RIMS1: variants seen among roughly 807,000 people sequenced by gnomAD.
The protein encoded by RIMS1 is regulating synaptic membrane exocytosis protein 1.
In RIMS1, 83 loss-of-function variants were observed where a neutral mutation model predicts 214.1. That is an observed-to-expected ratio of 0.39 (90% CI 0.32 to 0.47). The LOEUF (loss-of-function observed/expected upper bound fraction) is 0.47, where lower values mean the gene tolerates loss of function less well. Among genes scored for constraint, RIMS1 ranks in the 20% least tolerant of loss-of-function variants. RIMS1 has a pLI of 0.99. For missense variants in RIMS1, 2,050 were observed against 2,161.8 expected, an observed-to-expected ratio of 0.95 and a Z score of 1.03; for synonymous variants, 793 against 786.8, an observed-to-expected ratio of 1.01 and a Z score of -0.13.
chr6:72,122,586 G>T lies in RIMS1; in HGVS notation c.471+22600G>T, dbSNP rs1488900906. 2.0e-5 allele frequency among the ~76,000 whole-genome samples: 3 copies of T among 151,738 alleles called. No individual in the cohort carries two copies. The East Asian group carries it at 5.8e-4, about 29-fold the overall frequency. On this transcript the variant is annotated intron_variant, in intron 4 of 33. Transcript: ENST00000521978. ...CTCTTTGTGCCTCTGGTGGAATTTG[G>T]CTGTGAATTTGTCTGGTCCTGGACT...
Position 72,242,295 on chromosome 6 carries a change from C to G in RIMS1, c.1958-19C>G, listed in dbSNP as rs2067298673. 3.9e-6 allele frequency: 6 copies of G among 1,522,982 alleles called. No individual in the cohort carries two copies. The highest frequency in any genetic ancestry group is 2.5e-5 in the South Asian group (2 of 80,472). 94.3% of individuals were successfully genotyped at this position (1,522,982 alleles called of 1,614,324 possible). On this transcript the variant is annotated intron_variant, in intron 9 of 33. Coordinates refer to ENST00000521978, the MANE Select transcript of RIMS1 (RefSeq NM_014989.7). ...CAGAATATATAAGGTAAAAAAATAC[C>G]CTTTTTTTTAAATTCAAGGGGATGA...
intron 31 of RIMS1, among the ~76,000 whole-genome samples, chr6:72,393,540 C>T (rs1035530069): frequency 5.3e-5 from 8 of 152,112 alleles, no homozygotes; most frequent in Non-Finnish European, 8.8e-5. Context: ...CTGGCTAACA[C>T]GGTGAAACCC....
rs373515265 is a variant in RIMS1 at position 72,198,202 on chromosome 6, T to C, written c.1678+15053T>C. On this transcript the variant is annotated intron_variant, in intron 6 of 33. Coordinates refer to ENST00000521978, the MANE Select transcript of RIMS1 (RefSeq NM_014989.7). The stretch of plus-strand genomic sequence containing the variant: ...CAATAGCAAAGATACTGAATCAAAC[T>C]AAGTGGCCATCGGTGCATGAATGGG... Among the ~76,000 whole-genome samples, 25 of 152,230 alleles carry C rather than the reference T, an allele frequency of 1.6e-4. No homozygotes were observed. The East Asian group carries it at 4.4e-3, about 27-fold the overall frequency.
chr6:71,944,029 T>C (rs1417115416), intron 1 of RIMS1, among the ~76,000 whole-genome samples: 1 of 152,230 alleles, frequency 6.6e-6, no homozygotes, highest in Non-Finnish European at 1.5e-5. Flanking sequence ...CTTAATTTTC[T>C]TGAAACATAT....
intron 1 of RIMS1, among the ~76,000 whole-genome samples, chr6:71,963,629 A>C (rs1316361048): frequency 1.3e-5 from 2 of 152,176 alleles, no homozygotes; most frequent in Non-Finnish European, 2.9e-5. Flanking sequence ...TTTCCACTAA[A>C]TAGGTCATAT....
At chr6:72,054,158 A>T (rs1380297393) in intron 2 of RIMS1, among the ~76,000 whole-genome samples, 2 of 150,528 alleles carry the variant, frequency 1.3e-5, no homozygotes, top group African/African-American at 4.9e-5. Context: ...TCTCCTACTT[A>T]TGAGTGAGAA....
intron 2 of RIMS1, among the ~76,000 whole-genome samples, chr6:72,066,923 A>T (rs956332094): frequency 6.6e-6 from 1 of 152,132 alleles, no homozygotes; most frequent in Non-Finnish European, 1.5e-5. Context: ...CTTCTAGCTG[A>T]TACGTTACTA....
chr6:72,376,546 G>A (rs764655170), intron 29 of RIMS1, among the ~76,000 whole-genome samples: 2 of 152,122 alleles, frequency 1.3e-5, no homozygotes, highest in Non-Finnish European at 2.9e-5. Flanking sequence ...GGGAGCTCAA[G>A]ACCAGCCTGG....
At position 72,265,478 on chromosome 6, in the gene RIMS1, A is replaced by G; in HGVS notation, c.3283A>G (p.Arg1095Gly). 6.3e-7 allele frequency: 1 copy of G among 1,584,976 alleles called. No homozygotes were observed. Among genetic ancestry groups the G allele is most frequent in the Non-Finnish European group, 8.7e-7 (1 of 1,154,868 alleles). Residue 1095 changes from arginine to glycine, a missense_variant, in exon 21 of 34, where the codon AGA (arginine) becomes GGA (glycine). Around this residue, in one of 6 missense-constraint regions of RIMS1, gnomAD observed 889 missense variants for 885.5 expected, o/e 1.00. Coordinates refer to ENST00000521978, the MANE Select transcript of RIMS1 (RefSeq NM_014989.7). ...TGAATGCTTTAACTCAACAGTATTG[A>G]GATTTACTGATGAAATACTGGTTAG... ...HHECFNSTVLRFTDEILVSEL... is the reference protein window; with the variant it reads ...HHECFNSTVLGFTDEILVSEL...
chr6:72,260,694 T>A lies in RIMS1; in HGVS notation c.3054-11T>A. The A allele has an allele frequency of 6.2e-7, 1 of 1,612,154 alleles. No homozygotes were observed. The highest frequency in any genetic ancestry group is 8.5e-7 in the Non-Finnish European group (1 of 1,178,822). On this transcript the variant is annotated splice_polypyrimidine_tract_variant and intron_variant, in intron 18 of 33. Transcript: ENST00000521978. ...TATCTGTTTCACTCACCACCCATCC[T>A]GTCTGTGCAGTGAGCTTCTTATGCT... is the stretch of plus-strand genomic sequence containing the variant.
chr6:71,960,578 GA>G (rs996254169), intron 1 of RIMS1, among the ~76,000 whole-genome samples: 4 of 152,228 alleles, frequency 2.6e-5, no homozygotes, highest in Admixed American at 2.0e-4. Flanking sequence ...AAAACAGGCT[GA>G]ATCTGTGGAT....
intron 4 of RIMS1, among the ~76,000 whole-genome samples, chr6:72,139,498 A>G (rs1039425930): frequency 6.6e-6 from 1 of 152,172 alleles, no homozygotes; most frequent in Non-Finnish European, 1.5e-5. Flanking sequence ...TTCATATAGC[A>G]CTACCTAACA....
chr6:72,371,167 C>T (rs932676966), intron 29 of RIMS1, among the ~76,000 whole-genome samples: 13 of 151,846 alleles, frequency 8.6e-5, no homozygotes, highest in African/African-American at 2.4e-4. Flanking sequence ...TGTATGTGTG[C>T]TGTGTGTGCA....
At chr6:72,063,129 G>A (rs529441038) in intron 2 of RIMS1, among the ~76,000 whole-genome samples, 1 of 152,156 alleles carries the variant, frequency 6.6e-6, no homozygotes, top group East Asian at 1.9e-4. Context: ...CAACACTGAG[G>A]AACACGTTGA....
At position 72,259,073 on chromosome 6, in the gene RIMS1, C is replaced by A; in HGVS notation, c.3015C>A (p.Thr1005=). 6.2e-7 allele frequency: 1 copy of A among 1,612,408 alleles called. No individual in the cohort carries two copies. Among genetic ancestry groups the A allele is most frequent in the South Asian group, 1.1e-5 (1 of 91,052 alleles). The change falls in exon 18 of 34, where the codon ACC becomes ACA. Residue 1005 remains threonine (T), a synonymous_variant. Coordinates refer to ENST00000521978, the MANE Select transcript of RIMS1 (RefSeq NM_014989.7). ...DASRSPVDHR[T]RDVDSQYLSE... ...CCCGAAGTCCAGTTGATCATAGAAC[C>A]AGAGATGTGGATAGTCAGTATTTAT...
chr6:72,203,272 C>T (rs2052355831), intron 6 of RIMS1, among the ~76,000 whole-genome samples: 1 of 152,144 alleles, frequency 6.6e-6, no homozygotes, highest in Admixed American at 6.5e-5. Context: ...CAGGCATGAG[C>T]CACCGCGCCT....
chr6:72,021,266 CAT>C (rs370450273), intron 2 of RIMS1, among the ~76,000 whole-genome samples: 44 of 152,252 alleles, frequency 2.9e-4, no homozygotes, highest in Middle Eastern at 3.4e-3. Flanking sequence ...AAAGAATTCA[CAT>C]GTTTGTACTG....
intron 26 of RIMS1, among the ~76,000 whole-genome samples, chr6:72,304,052 TA>T (rs2094906226): frequency 6.6e-6 from 1 of 151,582 alleles, no homozygotes; most frequent in Non-Finnish European, 1.5e-5. Context: ...ACATTTCTTG[TA>T]AAAAATGAAA....
chr6:72,060,436 T>C (rs1264815269), intron 2 of RIMS1, among the ~76,000 whole-genome samples: 2 of 152,210 alleles, frequency 1.3e-5, no homozygotes, highest in Non-Finnish European at 2.9e-5. Flanking sequence ...CCTCAGCTCC[T>C]CATTGACTCT....
Sources: allele counts gnomAD v4.1 joint callset (sites outside exome capture counted in the v4.1 genomes callset), GRCh38; gene constraint gnomAD v4.1.1; regional missense constraint gnomAD v4.1.1; transcripts MANE v1.5; gene names NCBI Gene and HGNC (gene_info 2026-07-23, HGNC 2026-07-21).